The following CALN1 variants were observed in gnomAD, a reference collection of about 807,000 sequenced individuals.
CALN1 encodes the protein calneuron 1.
Under a neutral mutation model 30.6 loss-of-function variants are expected in CALN1, and 17 were observed. That is an observed-to-expected ratio of 0.56 (90% CI 0.38 to 0.83). The LOEUF is 0.83. Among genes scored for constraint, CALN1 ranks in the 40% least tolerant of loss-of-function variants. The probability of loss-of-function intolerance (pLI) is 0.00; values close to 1 mark genes in which losing one functional copy is unlikely to be tolerated. For synonymous variants in CALN1, 156 were observed against 131.4 expected (o/e 1.19, Z -1.28); for missense variants, 291 against 354.9 (o/e 0.82, Z 1.45).
At chr7:72,346,158 T>A (rs1023550487) in intron 2 of CALN1, among the ~76,000 whole-genome samples, 5 of 152,216 alleles carry the variant, frequency 3.3e-5, no homozygotes, top group East Asian at 3.8e-4. Flanking sequence ...ATTAAAGTGA[T>A]CCATAATTTT....
chr7:72,469,954 A>G, the CALN1 span, among the ~76,000 whole-genome samples: 1 of 152,116 alleles, frequency 6.6e-6, no homozygotes, highest in African/African-American at 2.4e-5. Context: ...TCAGCATAGA[A>G]GGGGAGATGG....
At chr7:72,033,791 A>G (rs1202801962) in intron 4 of CALN1, among the ~76,000 whole-genome samples, 1 of 152,174 alleles carries the variant, frequency 6.6e-6, no homozygotes, top group Non-Finnish European at 1.5e-5. Flanking sequence ...AGGCTTGGGT[A>G]TGAAAGCGCC....
chr7:72,496,864 G>A, the CALN1 span, among the ~76,000 whole-genome samples: 2 of 152,152 alleles, frequency 1.3e-5, no homozygotes, highest in African/African-American at 4.8e-5. Context: ...GGGCAACAGA[G>A]CAAGACTTAT....
intron 2 of CALN1, among the ~76,000 whole-genome samples, chr7:72,396,853 A>G (rs1490150881): frequency 6.6e-6 from 1 of 152,204 alleles, no homozygotes; most frequent in South Asian, 2.1e-4. Flanking sequence ...TTAGAAGTAT[A>G]TAGGATCATC....
In CALN1 at chr7:72,028,575, G is replaced by A. The variant is rs151233668; in HGVS notation, c.389-4806C>T. On this transcript the variant is annotated intron_variant, in intron 4 of 6. Coordinates refer to ENST00000395275, the MANE Select transcript of CALN1 (RefSeq NM_031468.4). ...GGGCCAACTATGGCGTGGAGTACAC[G>A]TGACTTGGCAGAAGAGGTACAGATC... Among the ~76,000 whole-genome samples the A allele has an allele frequency of 2.9e-3, 436 of 152,342 alleles. 3 individuals carry two copies. The highest frequency in any genetic ancestry group is 9.3e-3 in the African/African-American group (387 of 41,582).
intron 4 of CALN1, among the ~76,000 whole-genome samples, chr7:72,041,849 T>C (rs1802150734): frequency 6.6e-6 from 1 of 152,324 alleles, no homozygotes; most frequent in African/African-American, 2.4e-5. Flanking sequence ...CCCCTGCACA[T>C]GGCCTCTCCT....
intron 5 of CALN1, among the ~76,000 whole-genome samples, chr7:71,917,291 G>A (rs891333748): frequency 3.9e-5 from 6 of 152,198 alleles, no homozygotes; most frequent in African/African-American, 1.2e-4. Flanking sequence ...GGAGACAGAT[G>A]TTGGTCAAAA....
intron 2 of CALN1, among the ~76,000 whole-genome samples, chr7:72,319,138 T>C (rs780259606): frequency 4.6e-5 from 7 of 152,222 alleles, no homozygotes; most frequent in Non-Finnish European, 7.3e-5. Context: ...AACTTAAGTG[T>C]CCATCAATCG....
the CALN1 span, among the ~76,000 whole-genome samples, chr7:72,473,265 T>C: frequency 0.035 from 5,316 of 152,136 alleles, 141 homozygotes; most frequent in Non-Finnish European, 0.048. Context: ...CTGTTCTTGC[T>C]ACTCTTCACC....
chr7:72,171,362 C>T (rs998720074), intron 3 of CALN1, among the ~76,000 whole-genome samples: 2 of 152,068 alleles, frequency 1.3e-5, no homozygotes, highest in Non-Finnish European at 2.9e-5. Context: ...TGGTGGTACA[C>T]ACCTATAAAT....
chr7:72,348,359 A>G (rs1218421653), intron 2 of CALN1, among the ~76,000 whole-genome samples: 1 of 152,176 alleles, frequency 6.6e-6, no homozygotes, highest in Non-Finnish European at 1.5e-5. Flanking sequence ...GCTGCAGAGG[A>G]AAAGGAAGCC....
chr7:71,989,549 A>G (rs1455481644), intron 5 of CALN1, among the ~76,000 whole-genome samples: 1 of 152,180 alleles, frequency 6.6e-6, no homozygotes, highest in Non-Finnish European at 1.5e-5. Context: ...TGTAGAAAGA[A>G]ACCACCAAGT....
chr7:72,318,600 G>A (rs570063883), intron 2 of CALN1, among the ~76,000 whole-genome samples: 1 of 151,854 alleles, frequency 6.6e-6, no homozygotes, highest in Admixed American at 6.6e-5. Flanking sequence ...GAGTGCAGTG[G>A]TGTGATCATA....
chr7:72,275,573 C>A (rs1192406855), intron 3 of CALN1, among the ~76,000 whole-genome samples: 1 of 152,128 alleles, frequency 6.6e-6, no homozygotes, highest in Non-Finnish European at 1.5e-5. Context: ...AAATAAATGG[C>A]CCTTCCCCAG....
intron 4 of CALN1, among the ~76,000 whole-genome samples, chr7:72,098,118 GC>G (rs1488972219): frequency 6.6e-6 from 1 of 152,126 alleles, no homozygotes; most frequent in African/African-American, 2.4e-5. Flanking sequence ...TGGGAATTGG[GC>G]TTAAAGGTCT....
intron 3 of CALN1, among the ~76,000 whole-genome samples, chr7:72,169,989 G>A (rs1478648527): frequency 6.6e-6 from 1 of 150,792 alleles, no homozygotes; most frequent in African/African-American, 2.4e-5. Context: ...CACCGCACCT[G>A]GCCAATTTTT....
chr7:72,246,039 G>C (rs1160979439), intron 3 of CALN1, among the ~76,000 whole-genome samples: 1 of 152,126 alleles, frequency 6.6e-6, no homozygotes, highest in Non-Finnish European at 1.5e-5. Flanking sequence ...TTCTCCCTAT[G>C]GGATTCCCTC....
At chr7:72,477,961 T>C in the CALN1 span, among the ~76,000 whole-genome samples, 1 of 152,276 alleles carries the variant, frequency 6.6e-6, no homozygotes. Flanking sequence ...CTGACATCCC[T>C]CCCTTACCCA....
intron 3 of CALN1, among the ~76,000 whole-genome samples, chr7:72,227,172 G>A (rs935278692): frequency 2.6e-5 from 4 of 151,148 alleles, no homozygotes; most frequent in African/African-American, 9.7e-5. Context: ...TCAAACTTCA[G>A]CATCATGCAA....
Sources: gnomAD v4.1 joint callset for allele counts (sites outside exome capture counted in the v4.1 genomes callset) on GRCh38, gnomAD v4.1.1 for gene constraint, MANE v1.5 for transcripts, NCBI Gene and HGNC (gene_info 2026-07-23, HGNC 2026-07-21) for gene names.